RSPO2: variants seen among roughly 807,000 people sequenced by gnomAD.
RSPO2 encodes R-spondin 2.
Under a neutral mutation model 30.9 loss-of-function variants are expected in RSPO2, and 14 were observed. The observed-to-expected ratio is 0.45, with a 90% CI of 0.30 to 0.71. The LOEUF is 0.71. RSPO2 is among the 30% of genes least tolerant of loss of function. RSPO2 has a pLI of 0.08. For synonymous variants in RSPO2, 107 were observed against 96.4 expected (o/e 1.11, Z -0.64); for missense variants, 264 against 301.9 (o/e 0.87, Z 0.93).
intron 5 of RSPO2, among the ~76,000 whole-genome samples, chr8:107,932,397 G>A (rs776744357): frequency 1.3e-5 from 2 of 152,124 alleles, no homozygotes; most frequent in Non-Finnish European, 2.9e-5. Context: ...GGGCATAGTA[G>A]GCTGAAGAGC....
intron 2 of RSPO2, among the ~76,000 whole-genome samples, chr8:108,014,556 A>T (rs1282505282): frequency 6.6e-6 from 1 of 152,196 alleles, no homozygotes; most frequent in Admixed American, 6.5e-5. Context: ...GACATGGATG[A>T]AGCTGGAAAC....
At chr8:107,967,614 C>A (rs749785780) in intron 3 of RSPO2, among the ~76,000 whole-genome samples, 46 of 152,012 alleles carry the variant, frequency 3.0e-4, no homozygotes, top group Non-Finnish European at 5.9e-4. Context: ...CACAGAGAAC[C>A]AGCATTACTA....
At chr8:107,903,306 A>G (rs1013538727) in intron 5 of RSPO2, among the ~76,000 whole-genome samples, 1 of 152,132 alleles carries the variant, frequency 6.6e-6, no homozygotes, top group Admixed American at 6.5e-5. Context: ...AATACTGAAT[A>G]TATGTTAAAG....
chr8:108,051,519 G>C (rs1414689197), intron 2 of RSPO2, among the ~76,000 whole-genome samples: 2 of 152,156 alleles, frequency 1.3e-5, no homozygotes, highest in African/African-American at 4.8e-5. Flanking sequence ...AAAGGCCTAA[G>C]CAATAAAAAT....
Position 108,003,277 on chromosome 8 carries a change from GTA to G in RSPO2, c.95-14035_95-14034del, listed in dbSNP as rs59782097. Among the ~76,000 whole-genome samples, 404 of 56,308 alleles carry G rather than the reference GTA, an allele frequency of 7.2e-3. 2 individuals carry two copies. Among genetic ancestry groups the G allele is most frequent in the East Asian group, 0.02 (30 of 1,474 alleles). The allele number at this position is 56,308 out of a possible 152,430, so 36.9% of individuals were successfully genotyped here. A position where few individuals can be genotyped will look rare whatever the true frequency, so the allele number is the denominator to read the frequency against. On this transcript the variant is annotated intron_variant, in intron 2 of 5. Transcript: ENST00000276659. The stretch of plus-strand genomic sequence containing the variant: ...TGTGTGTGTGTGTGTGTGTGTGTGT[GTA>G]TATATATATATATATATATATATAT...
intron 2 of RSPO2, among the ~76,000 whole-genome samples, chr8:108,048,939 T>C (rs1262763243): frequency 6.6e-6 from 1 of 152,180 alleles, no homozygotes; most frequent in Non-Finnish European, 1.5e-5. Context: ...CAGTAGTCAT[T>C]CAGGAGCAAG....
chr8:108,040,397 A>G (rs1439054510), intron 2 of RSPO2, among the ~76,000 whole-genome samples: 1 of 152,150 alleles, frequency 6.6e-6, no homozygotes, highest in African/African-American at 2.4e-5. Context: ...AGAGAAAGAA[A>G]GACACTTTAG....
intron 3 of RSPO2, among the ~76,000 whole-genome samples, chr8:107,966,072 A>G (rs1032768833): frequency 1.3e-5 from 2 of 152,156 alleles, no homozygotes; most frequent in African/African-American, 4.8e-5. Context: ...TTGGAGGAAA[A>G]GGAGGTTAGG....
intron 5 of RSPO2, among the ~76,000 whole-genome samples, chr8:107,943,936 G>A (rs1042982947): frequency 6.6e-6 from 1 of 152,068 alleles, no homozygotes; most frequent in Non-Finnish European, 1.5e-5. Context: ...AGAGGGGGAC[G>A]GGAGCTTACA....
intron 2 of RSPO2, among the ~76,000 whole-genome samples, chr8:108,070,821 A>C (rs1386712276): frequency 6.6e-6 from 1 of 152,218 alleles, no homozygotes; most frequent in African/African-American, 2.4e-5. Flanking sequence ...TCCAAAGTCA[A>C]AATTCCAAAG....
chr8:107,927,517 G>T (rs1344150555), intron 5 of RSPO2, among the ~76,000 whole-genome samples: 11 of 152,120 alleles, frequency 7.2e-5, no homozygotes, highest in Admixed American at 1.3e-4. Context: ...CATTCAGTAT[G>T]ATATTGGCTG....
intron 2 of RSPO2, among the ~76,000 whole-genome samples, chr8:108,063,777 T>A (rs1046232500): frequency 1.3e-5 from 2 of 151,758 alleles, no homozygotes; most frequent in African/African-American, 4.9e-5. Context: ...GACTTCAAAC[T>A]ATACTACAAG....
intron 5 of RSPO2, among the ~76,000 whole-genome samples, chr8:107,904,833 A>G (rs1218415887): frequency 6.6e-6 from 1 of 152,116 alleles, no homozygotes; most frequent in Non-Finnish European, 1.5e-5. Flanking sequence ...TGGCAAGACA[A>G]GATTATCCTC....
At chr8:107,982,627 T>G (rs1332380384) in intron 3 of RSPO2, among the ~76,000 whole-genome samples, 2 of 152,046 alleles carry the variant, frequency 1.3e-5, no homozygotes, top group African/African-American at 4.8e-5. Flanking sequence ...AGAGAATGAG[T>G]GTATATAATC....
chr8:108,073,713 T>C (rs909664704), intron 2 of RSPO2, among the ~76,000 whole-genome samples: 3 of 152,238 alleles, frequency 2.0e-5, no homozygotes, highest in Non-Finnish European at 2.9e-5. Flanking sequence ...ATAAACTCTT[T>C]AGTGGGATTG....
intron 2 of RSPO2, among the ~76,000 whole-genome samples, chr8:108,060,635 C>G (rs948431861): frequency 6.6e-6 from 1 of 151,706 alleles, no homozygotes; most frequent in African/African-American, 2.4e-5. Context: ...GGAGAACTTC[C>G]CCAATCTAGC....
chr8:107,937,207 G>A (rs112067577), intron 5 of RSPO2, among the ~76,000 whole-genome samples: 2,071 of 148,044 alleles, frequency 0.014, 29 homozygotes, highest in African/African-American at 0.047. Context: ...ATCCTTCTGC[G>A]TATGGATTCT....
At chr8:107,913,413 TA>T (rs1195293680) in intron 5 of RSPO2, among the ~76,000 whole-genome samples, 1 of 152,202 alleles carries the variant, frequency 6.6e-6, no homozygotes, top group African/African-American at 2.4e-5. Context: ...TAACCAATGG[TA>T]TATTTTGTTA....
intron 2 of RSPO2, among the ~76,000 whole-genome samples, chr8:108,079,474 T>G (rs2130738397): frequency 6.6e-6 from 1 of 152,272 alleles, no homozygotes; most frequent in South Asian, 2.1e-4. Flanking sequence ...TCTGGCTATA[T>G]TTTGAAATAA....
Sources: allele counts gnomAD v4.1 joint callset (sites outside exome capture counted in the v4.1 genomes callset), GRCh38; gene constraint gnomAD v4.1.1; transcripts MANE v1.5; gene names NCBI Gene and HGNC (gene_info 2026-07-23, HGNC 2026-07-21).